The following WFDC8 variants were observed in gnomAD, a reference collection of about 807,000 sequenced individuals.
The protein encoded by WFDC8 is WAP four-disulfide core domain 8.
In WFDC8, 24 loss-of-function variants were observed where a neutral mutation model predicts 27.0. The ratio of observed to expected loss-of-function variants is 0.89; its 90% CI spans 0.64 to 1.25. The LOEUF (loss-of-function observed/expected upper bound fraction) is 1.25. WFDC8 is among the 50% of genes most tolerant of loss of function. The probability of loss-of-function intolerance (pLI) is 0.00; values close to 1 mark genes in which losing one functional copy is unlikely to be tolerated. For missense variants in WFDC8, 287 were observed against 295.9 expected (o/e 0.97, Z 0.22); for synonymous variants, 106 against 99.7 (o/e 1.06, Z -0.38).
intron 4 of WFDC8, among the ~76,000 whole-genome samples, chr20:45,554,626 C>G (rs1486098644): frequency 6.6e-6 from 1 of 152,182 alleles, no homozygotes; most frequent in Non-Finnish European, 1.5e-5. Flanking sequence ...CCAGCCCAAG[C>G]CCATTTCCCT....
At chr20:45,557,492 G>A (rs1980305244) in intron 3 of WFDC8, among the ~76,000 whole-genome samples, 1 of 152,082 alleles carries the variant, frequency 6.6e-6, no homozygotes, top group African/African-American at 2.4e-5. Flanking sequence ...CAGTGCAATG[G>A]TGCGATCTCA....
chr20:45,574,125 A>C (rs1451683775), intron 1 of WFDC8, among the ~76,000 whole-genome samples: 1 of 152,206 alleles, frequency 6.6e-6, no homozygotes, highest in Non-Finnish European at 1.5e-5. Flanking sequence ...AAATTGAGAA[A>C]TTCCTAGAAG....
intron 2 of WFDC8, among the ~76,000 whole-genome samples, chr20:45,561,739 CGTGTGTGTGTGTGTGT>C (rs10534885): frequency 6.8e-6 from 1 of 147,744 alleles, no homozygotes. Flanking sequence ...ATTAAACTTG[CGTGTGTGTGTGTGTGT>C]GTGTGTGTGT....
intron 1 of WFDC8, among the ~76,000 whole-genome samples, chr20:45,565,720 C>T (rs1392631140): frequency 6.6e-6 from 1 of 152,206 alleles, no homozygotes; most frequent in African/African-American, 2.4e-5. Flanking sequence ...CACTAAGCCA[C>T]TGTGCCTTTT....
At chr20:45,567,840 G>A (rs1238388760) in intron 1 of WFDC8, 1 of 153,940 alleles carries the variant, frequency 6.5e-6, no homozygotes, top group Non-Finnish European at 1.5e-5. Context: ...CTTTTTTCTT[G>A]TTAGAGACAG....
chr20:45,562,282 C>T (rs1364463139), intron 1 of WFDC8, 63 bp from the exon 2 acceptor site: 13 of 1,390,368 alleles, frequency 9.4e-6, no homozygotes, highest in Non-Finnish European at 1.2e-5. Context: ...AAAGTGTGTG[C>T]AGGGGAACCT....
chr20:45,551,199 G>A (rs1041243653), downstream of WFDC8: 5 of 152,118 alleles, frequency 3.3e-5, no homozygotes, highest in African/African-American at 1.2e-4. Flanking sequence ...GATGGCTCAA[G>A]AAAATTTAGT....
At chr20:45,552,291 A>T (rs1028352501) in intron 5 of WFDC8, 126 bp from the exon 6 acceptor site, 46 of 1,133,860 alleles carry the variant, frequency 4.1e-5, no homozygotes, top group Non-Finnish European at 5.6e-5. Flanking sequence ...TTCCCCCTAC[A>T]GTAACAATAG....
intron 1 of WFDC8, among the ~76,000 whole-genome samples, chr20:45,571,789 G>C (rs1251217290): frequency 6.6e-6 from 1 of 152,140 alleles, no homozygotes; most frequent in Non-Finnish European, 1.5e-5. Flanking sequence ...CTTCATCCAT[G>C]TTATTGCAAA....
intron 5 of WFDC8, 132 bp from the exon 6 acceptor site, chr20:45,552,297 A>G (rs759167781): frequency 9.4e-7 from 1 of 1,065,820 alleles, no homozygotes; most frequent in East Asian, 2.5e-5. Context: ...CTACAGTAAC[A>G]ATAGACTGGA....
chr20:45,562,346 C>A, intron 1 of WFDC8, 127 bp from the exon 2 acceptor site: 1 of 726,556 alleles, frequency 1.4e-6, no homozygotes, highest in Non-Finnish European at 2.4e-6. Context: ...CTGACACCAG[C>A]ATGGGGAAGG....
chr20:45,552,257 T>G, intron 5 of WFDC8, 92 bp from the exon 6 acceptor site: 1 of 1,481,810 alleles, frequency 6.7e-7, no homozygotes, highest in Non-Finnish European at 9.3e-7. Context: ...AAACAAGGTT[T>G]TATTCTGATT....
intron 1 of WFDC8, among the ~76,000 whole-genome samples, chr20:45,575,711 T>C (rs1217922126): frequency 1.3e-5 from 2 of 151,194 alleles, no homozygotes; most frequent in Non-Finnish European, 3.0e-5. Context: ...GGGGGAGCAG[T>C]GTGAATTCCC....
rs761262469 is a variant in WFDC8 at position 45,552,110 on chromosome 20, G to C, written c.642C>G (p.Pro214=). 11 of 1,614,060 alleles carry C rather than the reference G, an allele frequency of 6.8e-6. No individual in the cohort carries two copies. The highest frequency in any genetic ancestry group is 9.3e-6 in the Non-Finnish European group (11 of 1,179,976). The stretch of plus-strand genomic sequence containing the variant: ...GGCACTCCTCATCCTGCAGGCACTT[G>C]GGTTTATCAATCTTGGTACATAGCA... ...KPLLCTKIDK[P]KCLQDEECPL... is the part of the protein sequence containing the mutation. The change falls in exon 6 of 6, where the codon CCC becomes CCG. Residue 214 remains proline (P), a synonymous_variant. Coordinates refer to ENST00000289953, the MANE Select transcript of WFDC8 (RefSeq NM_130896.3).
At chr20:45,563,579 G>A (rs1600892775) in intron 1 of WFDC8, among the ~76,000 whole-genome samples, 1 of 152,200 alleles carries the variant, frequency 6.6e-6, no homozygotes. Context: ...CAAGTGGCTT[G>A]TAAATCAGTG....
chr20:45,563,847 G>C (rs546297179), intron 1 of WFDC8, among the ~76,000 whole-genome samples: 6 of 152,290 alleles, frequency 3.9e-5, no homozygotes, highest in African/African-American at 1.2e-4. Context: ...AATCAGATTA[G>C]CCTGCAGTCA....
chr20:45,556,497 G>A (rs1399807619), intron 3 of WFDC8, among the ~76,000 whole-genome samples: 1 of 152,176 alleles, frequency 6.6e-6, no homozygotes, highest in East Asian at 1.9e-4. Flanking sequence ...ACAGTGCAGT[G>A]GTGGTTCAAG....
intron 5 of WFDC8, 148 bp downstream of exon 5, chr20:45,552,988 T>G: frequency 1.0e-5 from 9 of 898,394 alleles, no homozygotes; most frequent in Non-Finnish European, 1.5e-5. Flanking sequence ...TCAATATAAC[T>G]TGTTGGGCAT....
intron 1 of WFDC8, among the ~76,000 whole-genome samples, chr20:45,567,353 G>A (rs371007195): frequency 2.3e-4 from 35 of 152,136 alleles, no homozygotes; most frequent in African/African-American, 8.2e-4. Context: ...CATTTTCCAA[G>A]ACCAAAATTT....
Sources: allele counts gnomAD v4.1 joint callset (sites outside exome capture counted in the v4.1 genomes callset), GRCh38; gene constraint gnomAD v4.1.1; transcripts MANE v1.5; gene names NCBI Gene and HGNC (gene_info 2026-07-23, HGNC 2026-07-21).